The following SGK1 variants were observed in gnomAD, a reference collection of about 807,000 sequenced individuals.
SGK1 encodes the protein serine/threonine-protein kinase Sgk1.
Under a neutral mutation model 64.2 loss-of-function variants are expected in SGK1, and 26 were observed. The ratio of observed to expected loss-of-function variants is 0.40; its 90% CI spans 0.30 to 0.56. The LOEUF (loss-of-function observed/expected upper bound fraction) is 0.56. Among genes scored for constraint, SGK1 ranks in the 20% least tolerant of loss-of-function variants. The pLI, the probability that SGK1 is intolerant of heterozygous loss-of-function variation, is 0.38. For missense variants in SGK1, 519 were observed against 645.6 expected, an observed-to-expected ratio of 0.80 and a Z score of 2.12; for synonymous variants, 265 against 239.7, an observed-to-expected ratio of 1.11 and a Z score of -0.98.
chr6:134,273,005 A>G (rs981985068), intron 1 of SGK1, among the ~76,000 whole-genome samples: 4 of 148,314 alleles, frequency 2.7e-5, no homozygotes, highest in Non-Finnish European at 6.0e-5. Context: ...GGATGCTTGC[A>G]TTTCAGAGGG....
intron 2 of SGK1, among the ~76,000 whole-genome samples, chr6:134,227,164 T>A (rs1460825031): frequency 6.6e-6 from 1 of 152,134 alleles, no homozygotes; most frequent in Non-Finnish European, 1.5e-5. Context: ...GGAGTCTCAC[T>A]CACTCTGTCA....
At chr6:134,190,089 A>T (rs1775484716) in intron 3 of SGK1, among the ~76,000 whole-genome samples, 1 of 152,196 alleles carries the variant, frequency 6.6e-6, no homozygotes, top group South Asian at 2.1e-4. Context: ...ACCTCAAGTG[A>T]TCGGCCCGCC....
chr6:134,178,525 C>T (rs1352754187), intron 3 of SGK1, among the ~76,000 whole-genome samples: 2 of 152,236 alleles, frequency 1.3e-5, no homozygotes, highest in Non-Finnish European at 2.9e-5. Context: ...TTCTTCCTTC[C>T]TGTCGCCAGC....
intron 3 of SGK1, among the ~76,000 whole-genome samples, chr6:134,176,604 C>G (rs903096538): frequency 6.6e-6 from 1 of 152,212 alleles, no homozygotes; most frequent in Non-Finnish European, 1.5e-5. Context: ...CTGGCGCTCG[C>G]TGTTGCTGTC....
At chr6:134,196,636 G>C (rs1398921807) in intron 3 of SGK1, among the ~76,000 whole-genome samples, 1 of 152,176 alleles carries the variant, frequency 6.6e-6, no homozygotes, top group Non-Finnish European at 1.5e-5. Flanking sequence ...TGCATGGCCT[G>C]CTGGCCAACT....
At chr6:134,289,702 T>C (rs62425195) in intron 1 of SGK1, among the ~76,000 whole-genome samples, 17,424 of 152,164 alleles carry the variant, frequency 0.11, 1,282 homozygotes, top group East Asian at 0.34. Flanking sequence ...AATAGTCACA[T>C]GTAGCTGGTG....
intron 1 of SGK1, among the ~76,000 whole-genome samples, chr6:134,301,370 T>A (rs955243012): frequency 7.2e-5 from 11 of 151,902 alleles, no homozygotes; most frequent in Admixed American, 2.6e-4. Flanking sequence ...CATCCCCACA[T>A]TATTGGTAAG....
intron 2 of SGK1, among the ~76,000 whole-genome samples, chr6:134,258,106 A>ATTT (rs59102879): frequency 1.4e-5 from 2 of 144,412 alleles, no homozygotes; most frequent in African/African-American, 5.1e-5. Context: ...CAAAATATAG[A>ATTT]TTTTTTTTTT....
At chr6:134,236,854 G>T (rs1776371865) in intron 2 of SGK1, among the ~76,000 whole-genome samples, 1 of 152,018 alleles carries the variant, frequency 6.6e-6, no homozygotes, top group African/African-American at 2.4e-5. Flanking sequence ...AAATCAAGAG[G>T]CTATGAACTC....
intron 3 of SGK1, among the ~76,000 whole-genome samples, chr6:134,185,827 C>T (rs1043861675): frequency 6.6e-6 from 1 of 152,036 alleles, no homozygotes; most frequent in Non-Finnish European, 1.5e-5. Context: ...TAAGTCCTAG[C>T]GTCCAAAGGC....
intron 1 of SGK1, among the ~76,000 whole-genome samples, chr6:134,311,329 G>A (rs985029275): frequency 6.6e-6 from 1 of 152,104 alleles, no homozygotes; most frequent in African/African-American, 2.4e-5. Context: ...CAGTGAACAA[G>A]GTAACTGGTT....
chr6:134,296,776 CAAAAAAAAAAA>C (rs869144600), intron 1 of SGK1, among the ~76,000 whole-genome samples: 2 of 66,732 alleles, frequency 3.0e-5, no homozygotes, highest in African/African-American at 5.6e-5. Flanking sequence ...TATTTTGGAC[CAAAAAAAAAAA>C]AAAAAAAAAA....
chr6:134,205,643 G>C (rs1449020593), intron 3 of SGK1, among the ~76,000 whole-genome samples: 1 of 152,174 alleles, frequency 6.6e-6, no homozygotes, highest in Non-Finnish European at 1.5e-5. Context: ...GTATTTTCTG[G>C]CTGCGAGCTT....
chr6:134,308,643 A>AC (rs939705983), intron 1 of SGK1, among the ~76,000 whole-genome samples: 6 of 151,296 alleles, frequency 4.0e-5, no homozygotes, highest in African/African-American at 1.5e-4. Context: ...TGCAACCTCC[A>AC]CCCCCCGGGT....
intron 3 of SGK1, 83 bp downstream of exon 3, chr6:134,207,273 C>T (rs1459446551): frequency 4.7e-6 from 4 of 849,128 alleles, no homozygotes; most frequent in Middle Eastern, 2.2e-4. Context: ...ATATTTCCCC[C>T]CAAACCTTGC....
intron 3 of SGK1, chr6:134,174,877 G>T: frequency 4.4e-6 from 7 of 1,604,742 alleles, no homozygotes; most frequent in Non-Finnish European, 5.9e-6. Context: ...GCCAGGCCGC[G>T]CGCTCGGCCT....
intron 3 of SGK1, among the ~76,000 whole-genome samples, chr6:134,176,534 C>T: frequency 6.6e-6 from 1 of 152,168 alleles, no homozygotes. Flanking sequence ...AAGCCGCGAG[C>T]ACGGCGACTG....
At chr6:134,246,987 G>A (rs575083370) in intron 2 of SGK1, among the ~76,000 whole-genome samples, 17 of 152,186 alleles carry the variant, frequency 1.1e-4, no homozygotes, top group Non-Finnish European at 1.6e-4. Flanking sequence ...CATGCTTGAT[G>A]CATAGTAGGG....
At chr6:134,183,330 CTGTT>C (rs141536701) in intron 3 of SGK1, among the ~76,000 whole-genome samples, 5,835 of 152,266 alleles carry the variant, frequency 0.038, 403 homozygotes, top group African/African-American at 0.13. Context: ...TCCCTTTTAA[CTGTT>C]TGGCAATATA....
Sources: allele counts gnomAD v4.1 joint callset (sites outside exome capture counted in the v4.1 genomes callset), GRCh38; gene constraint gnomAD v4.1.1; transcripts MANE v1.5; gene names NCBI Gene and HGNC (gene_info 2026-07-23, HGNC 2026-07-21).